Variants in BZW1 observed in about 807,000 individuals in gnomAD.
BZW1 encodes the protein eIF5-mimic protein 2.
Under a neutral mutation model 54.1 loss-of-function variants are expected in BZW1, and 3 were observed. The ratio of observed to expected loss-of-function variants is 0.06; its 90% CI spans 0.03 to 0.14. The LOEUF (loss-of-function observed/expected upper bound fraction) is 0.14, where lower values mean the gene tolerates loss of function less well. BZW1 is among the 10% of genes least tolerant of loss of function. The pLI is 1.00. For missense variants in BZW1, 206 were observed against 491.7 expected, an observed-to-expected ratio of 0.42 and a Z score of 5.50; for synonymous variants, 152 against 162.7, an observed-to-expected ratio of 0.93 and a Z score of 0.50.
rs192666797 is a variant in BZW1 at position 200,826,168 on chromosome 2, T to G, written c.*3990T>G. The G allele has an allele frequency of 2.6e-5, 4 of 152,316 alleles. No individual in the cohort carries two copies. Among genetic ancestry groups the G allele is most frequent in the Admixed American group, 2.6e-4 (4 of 15,306 alleles). 9.4% of individuals were successfully genotyped at this position (152,316 alleles called of 1,614,324 possible). ...AAAAACTCTTAAGTGGATTAATATC[T>G]GAACAATCTTAGACATAATTATATG... is the stretch of plus-strand genomic sequence containing the variant. On this transcript the variant is annotated 3_prime_UTR_variant, in exon 12 of 12. Transcript: ENST00000409600.
chr2:200,819,725 G>A (rs188361694), intron 9 of BZW1, among the ~76,000 whole-genome samples: 26 of 151,946 alleles, frequency 1.7e-4, no homozygotes, highest in Non-Finnish European at 2.5e-4. Context: ...TAGTAGAGAC[G>A]AGCTTTTACC....
At chr2:200,812,418 C>A in intron 1 of BZW1, 1 of 1,279,860 alleles carries the variant, frequency 7.8e-7, no homozygotes, top group Non-Finnish European at 9.9e-7. Flanking sequence ...ATGTACGGGG[C>A]GCCTGGGGCC....
At chr2:200,817,910 A>AG in intron 6 of BZW1, 64 bp from the exon 7 acceptor site, 1 of 1,127,754 alleles carries the variant, frequency 8.9e-7, no homozygotes, top group Non-Finnish European at 1.3e-6. Flanking sequence ...GGAAGGATAT[A>AG]GGGGGACACA....
chr2:200,816,483 T>C (rs1363720710), intron 5 of BZW1, 93 bp downstream of exon 5: 1 of 977,474 alleles, frequency 1.0e-6, no homozygotes, highest in Admixed American at 2.7e-5. Flanking sequence ...TGGAGTAATT[T>C]TGCTTGTTTG....
chr2:200,816,245 CTTACATCGAGTGAAAGGT>C, intron 4 of BZW1, 62 bp from the exon 5 acceptor site: 2 of 1,026,100 alleles, frequency 1.9e-6, no homozygotes, highest in Non-Finnish European at 2.8e-6. Flanking sequence ...AGCTCATAAA[CTTACATCGAGTGAAAGGT>C]TTACTACTTT....
chr2:200,813,884 C>T (rs894213452), intron 2 of BZW1, among the ~76,000 whole-genome samples: 1 of 152,106 alleles, frequency 6.6e-6, no homozygotes, highest in Non-Finnish European at 1.5e-5. Context: ...TATATTTTTA[C>T]TGTTTTTGGT....
intron 2 of BZW1, among the ~76,000 whole-genome samples, chr2:200,814,420 A>G (rs1054271231): frequency 1.3e-5 from 2 of 152,178 alleles, no homozygotes; most frequent in African/African-American, 4.8e-5. Context: ...AAACCAGGAA[A>G]GTGCTGGGCA....
intron 11 of BZW1, 22 bp downstream of exon 11, chr2:200,821,327 G>C (rs372392602): frequency 6.2e-7 from 1 of 1,611,600 alleles, no homozygotes; most frequent in East Asian, 2.2e-5. Flanking sequence ...CCTTTGTGTG[G>C]TTTGTTTGGT....
chr2:200,817,917 C>A, intron 6 of BZW1, 57 bp from the exon 7 acceptor site: 1 of 1,193,884 alleles, frequency 8.4e-7, no homozygotes, highest in Non-Finnish European at 1.2e-6. Context: ...TATAGGGGGA[C>A]ACAGTGATTG....
chr2:200,814,421 G>C (rs2038214089), intron 2 of BZW1, among the ~76,000 whole-genome samples: 1 of 152,176 alleles, frequency 6.6e-6, no homozygotes, highest in Admixed American at 6.5e-5. Flanking sequence ...AACCAGGAAA[G>C]TGCTGGGCAC....
rs1187304026 is a variant in BZW1, at chr2:200,824,862, C to A, written c.*2684C>A. 4 of 151,686 alleles carry A rather than the reference C, an allele frequency of 2.6e-5. No homozygotes were observed. The highest frequency in any genetic ancestry group is 4.8e-5 in the African/African-American group (2 of 41,296). 9.4% of individuals were successfully genotyped at this position (151,686 alleles called of 1,614,324 possible). ...AATTTTTTTGTATTTTTAGTAGAGA[C>A]GAGGTTTCACCGGATTAGCGAGGAT... On this transcript the variant is annotated 3_prime_UTR_variant, in exon 12 of 12. Transcript: ENST00000409600.
chr2:200,821,754 A>G (rs1246868161), intron 11 of BZW1, among the ~76,000 whole-genome samples: 2 of 152,128 alleles, frequency 1.3e-5, no homozygotes, highest in Admixed American at 1.3e-4. Flanking sequence ...ATAGGTTATT[A>G]ATAAAATTCG....
chr2:200,814,873 T>C (rs899067864), intron 2 of BZW1, among the ~76,000 whole-genome samples: 1 of 152,240 alleles, frequency 6.6e-6, no homozygotes, highest in Admixed American at 6.5e-5. Context: ...ATGCTTAATA[T>C]AGTTTCTGTC....
At chr2:200,813,152 G>A in intron 1 of BZW1, 56 bp from the exon 2 acceptor site, 2 of 1,439,174 alleles carry the variant, frequency 1.4e-6, no homozygotes, top group Non-Finnish European at 1.9e-6. Flanking sequence ...TTGATGTTTT[G>A]CTTTAAAAAT....
chr2:200,813,373 C>A, intron 2 of BZW1, 92 bp downstream of exon 2: 1 of 1,143,938 alleles, frequency 8.7e-7, no homozygotes, highest in Non-Finnish European at 1.3e-6. Context: ...ATTACTAAAG[C>A]CTCAAAAGAA....
chr2:200,825,318 A>C lies in BZW1; in HGVS notation c.*3140A>C, dbSNP rs1193825724. Reference sequence around the variant, plus strand: ...CGTGGTCTGCCTGCCTTGGCCTCCCAAAGTGCTGGGATTACAGGCGTGAGC... The same window carrying C: ...CGTGGTCTGCCTGCCTTGGCCTCCCCAAGTGCTGGGATTACAGGCGTGAGC... On this transcript the variant is annotated 3_prime_UTR_variant, in exon 12 of 12. Coordinates refer to ENST00000409600, the MANE Select transcript of BZW1 (RefSeq NM_001207067.2). 6.6e-6 allele frequency: 1 copy of C among 151,442 alleles called. No individual in the cohort carries two copies. The highest frequency in any genetic ancestry group is 1.9e-4 in the East Asian group (1 of 5,166). The allele number at this position is 151,442 out of a possible 1,614,324, so 9.4% of individuals were successfully genotyped here.
intron 1 of BZW1, chr2:200,812,753 G>A (rs565762538): frequency 2.5e-5 from 18 of 723,456 alleles, no homozygotes; most frequent in African/African-American, 1.9e-4. Context: ...GGTGCTGCCC[G>A]TAACCAGGCT....
In BZW1 at chr2:200,824,095, G is replaced by A. The variant is rs1475006758; in HGVS notation, c.*1917G>A. 1 of 152,084 alleles carries A rather than the reference G, an allele frequency of 6.6e-6. No homozygotes were observed. Among genetic ancestry groups the A allele is most frequent in the Non-Finnish European group, 1.5e-5 (1 of 68,002 alleles). The allele number at this position is 152,084 out of a possible 1,614,324, so 9.4% of individuals were successfully genotyped here. On this transcript the variant is annotated 3_prime_UTR_variant, in exon 12 of 12. Transcript: ENST00000409600. ...TAGTGAAAAAGTGTGTCATCTTCCA[G>A]AACTACATTATTATCTTTGATCGTA...
chr2:200,820,223 T>C (rs1176605076), intron 10 of BZW1, 103 bp downstream of exon 10: 47 of 1,113,276 alleles, frequency 4.2e-5, no homozygotes, highest in Non-Finnish European at 5.2e-5. Context: ...CCCTGAAATA[T>C]TTTACTTCTA....
Sources: gnomAD v4.1 joint callset for allele counts (sites outside exome capture counted in the v4.1 genomes callset) on GRCh38, gnomAD v4.1.1 for gene constraint, MANE v1.5 for transcripts, NCBI Gene and HGNC (gene_info 2026-07-23, HGNC 2026-07-21) for gene names.